RPL26L1: variants seen among roughly 807,000 people sequenced by gnomAD.
RPL26L1 encodes the protein ribosomal protein uL24-like.
A neutral mutation model predicts 15.2 loss-of-function variants in RPL26L1; 8 were observed. That is an observed-to-expected ratio of 0.53 (90% CI 0.31 to 0.95). RPL26L1 has a LOEUF of 0.95. Among genes scored for constraint, RPL26L1 ranks in the 40% least tolerant of loss-of-function variants. RPL26L1 has a pLI of 0.05. For missense variants in RPL26L1, 146 were observed against 190.9 expected (o/e 0.76, Z 1.39); for synonymous variants, 51 against 65.9 (o/e 0.77, Z 1.09).
At position 172,968,803 on chromosome 5, in the gene RPL26L1, CTTTT is replaced by C. The variant is rs539398008; in HGVS notation, c.309+224_309+227del. Reference sequence around the variant, plus strand: ...TTGCCTTTCTTGGTGATGGCTGTGTCTTTTTTTTTTTTTTTTTTTTTTTGAGACG... The same window carrying C: ...TTGCCTTTCTTGGTGATGGCTGTGTCTTTTTTTTTTTTTTTTTTTGAGACG... On this transcript the variant is annotated intron_variant, in intron 3 of 3. Transcript: ENST00000265100. Among the ~76,000 whole-genome samples the C allele has an allele frequency of 5.4e-5, 4 of 74,366 alleles. No individual in the cohort carries two copies. In the East Asian group the frequency reaches 1.9e-3, roughly 35 times the overall value. 48.8% of individuals were successfully genotyped at this position (74,366 alleles called of 152,430 possible).
At chr5:172,966,944 C>T (rs926276121) in intron 2 of RPL26L1, among the ~76,000 whole-genome samples, 27 of 152,072 alleles carry the variant, frequency 1.8e-4, no homozygotes, top group African/African-American at 5.3e-4. Flanking sequence ...CAACCTCCGC[C>T]TTCCAGGTTC....
At chr5:172,959,003 A>T (rs1013292471), upstream of RPL26L1, 2 of 152,754 alleles carry the variant, frequency 1.3e-5, no homozygotes, top group Non-Finnish European at 2.9e-5. Flanking sequence ...CGGGCGGATC[A>T]CGAGGTCAGG....
At chr5:172,961,270 C>T (rs1445083945) in intron 2 of RPL26L1, among the ~76,000 whole-genome samples, 2 of 152,144 alleles carry the variant, frequency 1.3e-5, no homozygotes, top group Admixed American at 6.5e-5. Context: ...TTTCAACCCC[C>T]TCTCTCCTGG....
At chr5:172,957,191 C>T (rs1006592475), upstream of RPL26L1, 14 of 456,102 alleles carry the variant, frequency 3.1e-5, no homozygotes, top group Middle Eastern at 3.2e-4. Context: ...TGAGTTCCTG[C>T]GCATGTTTCC....
At chr5:172,959,666 G>C (rs927206147) in intron 1 of RPL26L1, 198 bp downstream of exon 1, 39 of 1,126,266 alleles carry the variant, frequency 3.5e-5, no homozygotes, top group South Asian at 2.5e-4. Context: ...CCCTTTAGAC[G>C]GGCATGCGAC....
upstream of RPL26L1, among the ~76,000 whole-genome samples, chr5:172,956,769 C>A (rs1754989198): frequency 6.6e-6 from 1 of 151,938 alleles, no homozygotes; most frequent in Admixed American, 6.6e-5. Flanking sequence ...GAAACCCTGT[C>A]TCTACTAAAA....
chr5:172,958,375 G>C (rs570757321), upstream of RPL26L1: 15 of 456,216 alleles, frequency 3.3e-5, no homozygotes, highest in African/African-American at 2.8e-4. Context: ...GACCTGCCTG[G>C]GTGTGGCTGC....
chr5:172,969,621 T>G lies in RPL26L1; in HGVS notation c.*80T>G. On this transcript the variant is annotated 3_prime_UTR_variant, in exon 4 of 4. Transcript: ENST00000265100. ...TTTCTTTCGAACTTTTCGGAATGTC[T>G]GGAACATTTCATTTCCTGTTTTGTT... 4 of 1,386,402 alleles carry G rather than the reference T, an allele frequency of 2.9e-6. No homozygotes were observed. The highest frequency in any genetic ancestry group is 3.9e-6 in the Non-Finnish European group (4 of 1,019,724). The allele number at this position is 1,386,402 out of a possible 1,614,324, so 85.9% of individuals were successfully genotyped here.
At chr5:172,954,388 T>A (rs750390722), upstream of RPL26L1, among the ~76,000 whole-genome samples, 5 of 149,636 alleles carry the variant, frequency 3.3e-5, no homozygotes, top group Middle Eastern at 3.4e-3. Context: ...GGCAACATGA[T>A]GAAACCCCGT....
chr5:172,963,197 G>T (rs1227235242), intron 2 of RPL26L1, among the ~76,000 whole-genome samples: 1 of 151,954 alleles, frequency 6.6e-6, no homozygotes, highest in African/African-American at 2.4e-5. Context: ...GGCCAACATG[G>T]TGAAACCCCA....
chr5:172,959,354 C>A (rs1419372662), upstream of RPL26L1: 7 of 1,001,326 alleles, frequency 7.0e-6, no homozygotes, highest in East Asian at 1.0e-4. Flanking sequence ...CCGCTGGGGG[C>A]GCCATTCGAC....
chr5:172,954,480 C>T (rs1441806540), upstream of RPL26L1, among the ~76,000 whole-genome samples: 1 of 14,716 alleles, frequency 6.8e-5, no homozygotes, highest in East Asian at 1.2e-3. Context: ...GGGGCAGGGG[C>T]GGCGGGGGGG....
At chr5:172,966,769 T>C (rs537818062) in intron 2 of RPL26L1, among the ~76,000 whole-genome samples, 1 of 152,114 alleles carries the variant, frequency 6.6e-6, no homozygotes, top group Non-Finnish European at 1.5e-5. Context: ...AAACAAGCTA[T>C]ACGTAGACAT....
chr5:172,960,410 C>T (rs1755185030), intron 2 of RPL26L1, among the ~76,000 whole-genome samples: 1 of 152,104 alleles, frequency 6.6e-6, no homozygotes, highest in Non-Finnish European at 1.5e-5. Flanking sequence ...AGCCACCGTG[C>T]CCCACCAAAA....
At chr5:172,958,149 A>T (rs2113516466), upstream of RPL26L1, 1 of 340,120 alleles carries the variant, frequency 2.9e-6, no homozygotes, top group South Asian at 2.3e-5. Flanking sequence ...CTGTAATCCC[A>T]GATACTGGGG....
At chr5:172,960,604 G>T (rs111919343) in intron 2 of RPL26L1, among the ~76,000 whole-genome samples, 1 of 27,044 alleles carries the variant, frequency 3.7e-5, no homozygotes, top group Non-Finnish European at 3.6e-4. Context: ...GATTTGGCAG[G>T]AGAACTGGTA....
At position 172,969,408 on chromosome 5, in the gene RPL26L1, A is replaced by G. The variant is rs777043298; in HGVS notation, c.310-5A>G. On this transcript the variant is annotated splice_polypyrimidine_tract_variant and splice_region_variant and intron_variant, in intron 3 of 3. Coordinates refer to ENST00000265100, the MANE Select transcript of RPL26L1 (RefSeq NM_016093.4). ...AATAAAGACCTGTTTTCTCACTCCCAACAGGTGGTTATCACCAGGCTAAAA... is the reference window on the plus strand; with the variant it reads ...AATAAAGACCTGTTTTCTCACTCCCGACAGGTGGTTATCACCAGGCTAAAA... 12 of 1,610,194 alleles carry G rather than the reference A, an allele frequency of 7.5e-6. No individual in the cohort carries two copies. In the African/African-American group the frequency reaches 1.6e-4, roughly 22 times the overall value.
At chr5:172,964,073 GA>G (rs1254030726) in intron 2 of RPL26L1, among the ~76,000 whole-genome samples, 1 of 151,822 alleles carries the variant, frequency 6.6e-6, no homozygotes, top group African/African-American at 2.4e-5. Context: ...GTGAGACAGA[GA>G]AGGAGGGCAA....
chr5:172,962,658 T>G (rs1251526609), intron 2 of RPL26L1, among the ~76,000 whole-genome samples: 1 of 151,132 alleles, frequency 6.6e-6, no homozygotes, highest in African/African-American at 2.4e-5. Flanking sequence ...CTACTAAAAA[T>G]ATAAAAAATT....
Sources: gnomAD v4.1 joint callset for allele counts (sites outside exome capture counted in the v4.1 genomes callset) on GRCh38, gnomAD v4.1.1 for gene constraint, MANE v1.5 for transcripts, NCBI Gene and HGNC (gene_info 2026-07-23, HGNC 2026-07-21) for gene names.